Variants in SLC35F3 observed in about 807,000 individuals in gnomAD.
The protein encoded by SLC35F3 is putative thiamine transporter SLC35F3.
Under a neutral mutation model 49.9 loss-of-function variants are expected in SLC35F3, and 25 were observed. The observed-to-expected ratio is 0.50, with a 90% CI of 0.37 to 0.70. SLC35F3 has a LOEUF of 0.70. SLC35F3 is among the 30% of genes least tolerant of loss of function. The probability of loss-of-function intolerance (pLI) is 0.00; values close to 1 mark genes in which losing one functional copy is unlikely to be tolerated. For synonymous variants in SLC35F3, 275 were observed against 265.4 expected, an observed-to-expected ratio of 1.04 and a Z score of -0.35; for missense variants, 525 against 639.8, an observed-to-expected ratio of 0.82 and a Z score of 1.94.
At chr1:234,085,396 G>T (rs1056627069) in intron 2 of SLC35F3, among the ~76,000 whole-genome samples, 12 of 152,296 alleles carry the variant, frequency 7.9e-5, no homozygotes, top group African/African-American at 2.9e-4. Flanking sequence ...TCAAAAATTG[G>T]TTTTTGTTTC....
intron 2 of SLC35F3, among the ~76,000 whole-genome samples, chr1:234,133,232 T>C (rs1665760073): frequency 6.6e-6 from 1 of 152,214 alleles, no homozygotes; most frequent in Non-Finnish European, 1.5e-5. Context: ...ATTTGTGTAA[T>C]AAGATCATTT....
chr1:234,259,320 G>A (rs757414906), intron 3 of SLC35F3, among the ~76,000 whole-genome samples: 3 of 152,136 alleles, frequency 2.0e-5, no homozygotes, highest in Non-Finnish European at 4.4e-5. Context: ...TCATTTGACA[G>A]CAAGCTAACA....
At chr1:234,176,376 C>T (rs1347751336) in intron 2 of SLC35F3, among the ~76,000 whole-genome samples, 1 of 152,158 alleles carries the variant, frequency 6.6e-6, no homozygotes, top group African/African-American at 2.4e-5. Flanking sequence ...AAGCCTATTC[C>T]CAACCTGGAC....
intron 2 of SLC35F3, among the ~76,000 whole-genome samples, chr1:234,025,916 T>C (rs2102845522): frequency 6.6e-6 from 1 of 152,356 alleles, no homozygotes; most frequent in South Asian, 2.1e-4. Flanking sequence ...CTGGGTTTTC[T>C]TCAAGGATTT....
chr1:234,270,152 G>A (rs749586659), intron 3 of SLC35F3, among the ~76,000 whole-genome samples: 1 of 152,162 alleles, frequency 6.6e-6, no homozygotes, highest in Non-Finnish European at 1.5e-5. Context: ...ACTAATACAT[G>A]AAGACTAATA....
chr1:234,250,684 G>A (rs1281936150), intron 3 of SLC35F3, among the ~76,000 whole-genome samples: 1 of 149,500 alleles, frequency 6.7e-6, no homozygotes, highest in Non-Finnish European at 1.5e-5. Flanking sequence ...AAGTTCCTTT[G>A]ATTCATCATT....
intron 2 of SLC35F3, among the ~76,000 whole-genome samples, chr1:234,139,979 T>TAAAATAAAATA (rs1665874385): frequency 2.2e-5 from 3 of 133,500 alleles, no homozygotes; most frequent in African/African-American, 7.8e-5. Flanking sequence ...TAAAATAAAA[T>TAAAATAAAATA]AAAATAAAAT....
At position 234,105,309 on chromosome 1, in the gene SLC35F3, T is replaced by C. The variant is rs113190830; in HGVS notation, c.284-126108T>C. 3.4e-3 allele frequency among the ~76,000 whole-genome samples: 518 copies of C among 152,148 alleles called. 2 individuals are homozygous for C. The highest frequency in any genetic ancestry group is 0.012 in the African/African-American group (496 of 41,510). On this transcript the variant is annotated intron_variant, in intron 2 of 7. Coordinates refer to ENST00000366618, the MANE Select transcript of SLC35F3 (RefSeq NM_173508.4). Reference sequence around the variant, plus strand: ...TGGAGTCAATGATCAAGATGAACAATTGACTGGGGAAGCTGCTCCCAAGAA... The same window carrying C: ...TGGAGTCAATGATCAAGATGAACAACTGACTGGGGAAGCTGCTCCCAAGAA...
chr1:234,266,873 G>GTTTTTTTT (rs34040004), intron 3 of SLC35F3, among the ~76,000 whole-genome samples: 166 of 108,540 alleles, frequency 1.5e-3, no homozygotes, highest in East Asian at 1.7e-3. Flanking sequence ...GAAGCACATG[G>GTTTTTTTT]TTTTTTTTTT....
chr1:234,116,929 C>A (rs1341021069), intron 2 of SLC35F3, among the ~76,000 whole-genome samples: 2 of 152,160 alleles, frequency 1.3e-5, no homozygotes, highest in Non-Finnish European at 2.9e-5. Flanking sequence ...ACTATCTCAG[C>A]CCCAGCCCTG....
rs1279713061 is a variant in SLC35F3, at chr1:233,904,958, G to A, written c.-120G>A. On this transcript the variant is annotated 5_prime_UTR_variant, in exon 1 of 8. Transcript: ENST00000366618. ...AAAGCGGCCCGGGGCGGCCGGCGCG[G>A]CGCAGACCCTCGGTGGGCAGCGCAC... The A allele has an allele frequency of 3.4e-6, 4 of 1,179,992 alleles. No homozygotes were observed. Among genetic ancestry groups the A allele is most frequent in the Non-Finnish European group, 4.7e-6 (4 of 851,854 alleles). 73.1% of individuals were successfully genotyped at this position (1,179,992 alleles called of 1,614,324 possible).
chr1:234,108,512 T>TATATTATTTATATATATAAAA (rs1327594031), intron 2 of SLC35F3, among the ~76,000 whole-genome samples: 1 of 102,350 alleles, frequency 9.8e-6, no homozygotes, highest in Non-Finnish European at 1.8e-5. Flanking sequence ...TATATATAAA[T>TATATTATTTATATATATAAAA]GATATATATT....
chr1:234,235,566 G>T (rs912609287), intron 3 of SLC35F3, among the ~76,000 whole-genome samples: 2 of 152,218 alleles, frequency 1.3e-5, no homozygotes, highest in African/African-American at 2.4e-5. Context: ...GAGCAGATCT[G>T]GGGCATTTTC....
intron 3 of SLC35F3, among the ~76,000 whole-genome samples, chr1:234,301,132 A>AT (rs1311997382): frequency 1.3e-5 from 2 of 152,224 alleles, no homozygotes; most frequent in Admixed American, 6.5e-5. Context: ...GTGGTATCAG[A>AT]TTTTTTAAAG....
intron 2 of SLC35F3, among the ~76,000 whole-genome samples, chr1:233,915,407 A>G (rs1253739318): frequency 6.6e-6 from 1 of 152,120 alleles, no homozygotes; most frequent in Non-Finnish European, 1.5e-5. Flanking sequence ...TTAGCCAGCA[A>G]TGGTGGTGCG....
At position 234,059,604 on chromosome 1, in the gene SLC35F3, CA is replaced by C. The variant is rs1664508245; in HGVS notation, c.283+153847del. Among the ~76,000 whole-genome samples, 7 of 148,550 alleles carry C rather than the reference CA, an allele frequency of 4.7e-5. No individual in the cohort carries two copies. The South Asian group carries it at 1.5e-3, about 33-fold the overall frequency. On this transcript the variant is annotated intron_variant, in intron 2 of 7. Transcript: ENST00000366618. ...ATAGAGCTAGAGCTAGAGCTAGAGACATAGACATAGACTAGACATAGACATA... is the reference window on the plus strand; with the variant it reads ...ATAGAGCTAGAGCTAGAGCTAGAGACTAGACATAGACTAGACATAGACATA...
rs1466325065 is a variant in SLC35F3, at chr1:234,214,966, T to G, written c.284-16451T>G. ...TTACCACACACACACTTGAGTTGCC[T>G]GGGTGTGGAGCTCTGTGCCTCACCC... is the stretch of plus-strand genomic sequence containing the variant. On this transcript the variant is annotated intron_variant, in intron 2 of 7. Transcript: ENST00000366618. This position sits in a 1 kb window ranked among gnomAD's most constrained non-coding sequence, Gnocchi z 8.0. 2 of 177,888 alleles carry G rather than the reference T, an allele frequency of 1.1e-5. No individual in the cohort carries two copies. Among genetic ancestry groups the G allele is most frequent in the African/African-American group, 4.7e-5 (2 of 42,278 alleles). 11.0% of individuals were successfully genotyped at this position (177,888 alleles called of 1,614,324 possible). A position where few individuals can be genotyped will look rare whatever the true frequency, so the allele number is the denominator to read the frequency against.
At chr1:234,040,432 C>T (rs1372245488) in intron 2 of SLC35F3, among the ~76,000 whole-genome samples, 2 of 152,190 alleles carry the variant, frequency 1.3e-5, no homozygotes, top group East Asian at 1.9e-4. Context: ...TCACAGGTTT[C>T]AGGCTTTTTG....
chr1:234,167,624 T>C (rs536075800), intron 2 of SLC35F3, among the ~76,000 whole-genome samples: 7 of 152,196 alleles, frequency 4.6e-5, no homozygotes, highest in Non-Finnish European at 7.3e-5. Flanking sequence ...TCATATCTAC[T>C]GTAAAATAAT....
Sources: allele counts gnomAD v4.1 joint callset (sites outside exome capture counted in the v4.1 genomes callset), GRCh38; gene constraint gnomAD v4.1.1; non-coding constraint Gnocchi (gnomAD v3.1); transcripts MANE v1.5; gene names NCBI Gene and HGNC (gene_info 2026-07-23, HGNC 2026-07-21).